STXBP4: variants seen among roughly 807,000 people sequenced by gnomAD.
STXBP4 encodes the protein syntaxin-binding protein 4.
STXBP4 carries 55 observed loss-of-function variants against 76.1 expected under a neutral mutation model. The ratio of observed to expected loss-of-function variants is 0.72; its 90% confidence interval spans 0.58 to 0.91. The LOEUF (loss-of-function observed/expected upper bound fraction) is 0.91. STXBP4 is among the 40% of genes least tolerant of loss of function. The pLI is 0.00. For missense variants in STXBP4, 618 were observed against 636.9 expected (o/e 0.97, Z 0.32); for synonymous variants, 201 against 220.2 (o/e 0.91, Z 0.77).
chr17:55,129,142 A>T (rs1356443441), intron 16 of STXBP4, among the ~76,000 whole-genome samples: 1 of 151,070 alleles, frequency 6.6e-6, no homozygotes, highest in Non-Finnish European at 1.5e-5. Flanking sequence ...GTTGGCCAGG[A>T]TGGTCTCGAT....
At chr17:55,049,111 T>C (rs2078827178) in intron 12 of STXBP4, among the ~76,000 whole-genome samples, 1 of 151,776 alleles carries the variant, frequency 6.6e-6, no homozygotes, top group Admixed American at 6.6e-5. Flanking sequence ...TTTCAGGACA[T>C]GAAAGGAAAG....
At chr17:55,079,073 G>C (rs911714041) in intron 15 of STXBP4, among the ~76,000 whole-genome samples, 2 of 152,128 alleles carry the variant, frequency 1.3e-5, no homozygotes, top group African/African-American at 4.8e-5. Flanking sequence ...CTGGTCACAG[G>C]TTCACTACTA....
At chr17:55,027,785 A>G (rs1201211639) in intron 8 of STXBP4, among the ~76,000 whole-genome samples, 1 of 152,192 alleles carries the variant, frequency 6.6e-6, no homozygotes, top group African/African-American at 2.4e-5. Flanking sequence ...TCAATAGTTC[A>G]GAATTCATTA....
chr17:55,090,411 C>T (rs1281296713), intron 16 of STXBP4, among the ~76,000 whole-genome samples: 1 of 151,992 alleles, frequency 6.6e-6, no homozygotes, highest in Non-Finnish European at 1.5e-5. Context: ...CACTTTTCAC[C>T]CCACTCAGAC....
chr17:55,207,802 G>A, the STXBP4 span, among the ~76,000 whole-genome samples: 13 of 152,272 alleles, frequency 8.5e-5, no homozygotes, highest in South Asian at 2.1e-4. Context: ...ACGTGCGCAC[G>A]TGTGCAAACA....
chr17:55,038,547 A>G (rs79488464), intron 10 of STXBP4, among the ~76,000 whole-genome samples: 1,870 of 152,174 alleles, frequency 0.012, 14 homozygotes, highest in Non-Finnish European at 0.019. Flanking sequence ...TTGGGTTTGG[A>G]AGAATATGAC....
intron 12 of STXBP4, among the ~76,000 whole-genome samples, chr17:55,050,112 CTG>C (rs1567737866): frequency 6.6e-6 from 1 of 152,008 alleles, no homozygotes; most frequent in Non-Finnish European, 1.5e-5. Flanking sequence ...AAAAATAAAA[CTG>C]TCTTTTTTTG....
At chr17:55,188,675 A>C in the STXBP4 span, among the ~76,000 whole-genome samples, 6 of 152,216 alleles carry the variant, frequency 3.9e-5, no homozygotes, top group African/African-American at 1.4e-4. Context: ...TCCCACAAAG[A>C]ATTTTCTTAC....
intron 16 of STXBP4, among the ~76,000 whole-genome samples, chr17:55,106,298 A>G (rs244375): frequency 0.38 from 55,598 of 144,470 alleles, 10,853 homozygotes; most frequent in East Asian, 0.55. Flanking sequence ...TTTTTTTTTT[A>G]CTTTCCATTT....
rs1039565630 is a variant in STXBP4 at position 55,173,452 on chromosome 17, C to A, written c.*13541C>A. ...AACATTCTGAGACAGGCTTCTTTCA[C>A]CCAGCATAATGCCTTTGAGATTCAT... On this transcript the variant is annotated 3_prime_UTR_variant, in exon 18 of 18. Transcript: ENST00000376352. 3 of 152,166 alleles carry A rather than the reference C, an allele frequency of 2.0e-5. No individual in the cohort carries two copies. Among genetic ancestry groups the A allele is most frequent in the African/African-American group, 7.2e-5 (3 of 41,422 alleles). The allele number at this position is 152,166 out of a possible 1,614,324, so 9.4% of individuals were successfully genotyped here.
At position 55,167,857 on chromosome 17, in the gene STXBP4, C is replaced by G. The variant is rs539398259; in HGVS notation, c.*7946C>G. 1 of 151,718 alleles carries G rather than the reference C, an allele frequency of 6.6e-6. No homozygotes were observed. The highest frequency in any genetic ancestry group is 1.9e-4 in the East Asian group (1 of 5,172). The allele number at this position is 151,718 out of a possible 1,614,324, so 9.4% of individuals were successfully genotyped here. A position where few individuals can be genotyped will look rare whatever the true frequency, so the allele number is the denominator to read the frequency against. ...GAAATTCATCTTTCATCAGCACACA[C>G]GAGAAGAGACAACAGGAAGACAAAA... is the stretch of plus-strand genomic sequence containing the variant. On this transcript the variant is annotated 3_prime_UTR_variant, in exon 18 of 18. Transcript: ENST00000376352.
chr17:55,078,339 C>T (rs1359677534), intron 14 of STXBP4, 145 bp downstream of exon 14: 7 of 598,100 alleles, frequency 1.2e-5, no homozygotes, highest in Admixed American at 3.4e-5. Context: ...TTTAGAACTG[C>T]ATACATGATG....
At chr17:55,081,290 A>T in intron 16 of STXBP4, 107 bp downstream of exon 16, 1 of 752,570 alleles carries the variant, frequency 1.3e-6, no homozygotes. Context: ...AGCAAAGTTG[A>T]TACCTAATCA....
At chr17:55,108,418 G>T (rs2079663337) in intron 16 of STXBP4, among the ~76,000 whole-genome samples, 1 of 152,132 alleles carries the variant, frequency 6.6e-6, no homozygotes, top group South Asian at 2.1e-4. Context: ...GGAGTGAACA[G>T]TTCTGTCTCA....
chr17:55,091,672 T>G (rs1567757700), intron 16 of STXBP4, among the ~76,000 whole-genome samples: 1 of 152,216 alleles, frequency 6.6e-6, no homozygotes, highest in Non-Finnish European at 1.5e-5. Flanking sequence ...ATGATGGTGA[T>G]GCCAAACAAC....
intron 12 of STXBP4, among the ~76,000 whole-genome samples, chr17:55,059,637 C>CA (rs1338405229): frequency 1.3e-5 from 2 of 152,082 alleles, no homozygotes; most frequent in African/African-American, 4.8e-5. Flanking sequence ...CCTTTCTACT[C>CA]AGAGTGGTCA....
the STXBP4 span, among the ~76,000 whole-genome samples, chr17:55,206,857 G>GAAAAAAAA: frequency 6.8e-5 from 7 of 103,142 alleles, no homozygotes; most frequent in South Asian, 3.3e-4. Flanking sequence ...CTCCGTCTCA[G>GAAAAAAAA]AAAAAAAAAA....
chr17:55,049,094 A>G (rs1009426525), intron 12 of STXBP4, among the ~76,000 whole-genome samples: 5 of 152,008 alleles, frequency 3.3e-5, no homozygotes, highest in African/African-American at 1.2e-4. Context: ...CAATAGTGGA[A>G]CAACATTTTC....
chr17:55,088,348 A>G (rs1482487611), intron 16 of STXBP4, among the ~76,000 whole-genome samples: 1 of 152,048 alleles, frequency 6.6e-6, no homozygotes, highest in East Asian at 1.9e-4. Context: ...ATACTATGGG[A>G]TTTTCTCAGA....
Sources: allele counts gnomAD v4.1 joint callset (sites outside exome capture counted in the v4.1 genomes callset), GRCh38; gene constraint gnomAD v4.1.1; transcripts MANE v1.5; gene names NCBI Gene and HGNC (gene_info 2026-07-23, HGNC 2026-07-21).